Variants in SLC2A14 observed in about 807,000 individuals in gnomAD.
SLC2A14 encodes the protein solute carrier family 2, facilitated glucose transporter member 14.
A neutral mutation model predicts 43.0 loss-of-function variants in SLC2A14; 13 were observed. That is an observed-to-expected ratio of 0.30 (90% confidence interval 0.20 to 0.48). The LOEUF is 0.48. Among genes scored for constraint, SLC2A14 ranks in the 20% least tolerant of loss-of-function variants. SLC2A14 has a pLI of 0.99. For missense variants in SLC2A14, 428 were observed against 620.4 expected, an observed-to-expected ratio of 0.69 and a Z score of 3.29; for synonymous variants, 190 against 233.8, an observed-to-expected ratio of 0.81 and a Z score of 1.71.
At chr12:7,875,129 A>ATAT (rs1945434295), upstream of SLC2A14, among the ~76,000 whole-genome samples, 1 of 137,532 alleles carries the variant, frequency 7.3e-6, no homozygotes, top group Non-Finnish European at 1.5e-5. Flanking sequence ...AAATAGTTAA[A>ATAT]TATATTTAAA....
chr12:7,865,919 C>T (rs1181520711), intron 2 of SLC2A14, among the ~76,000 whole-genome samples: 1 of 152,078 alleles, frequency 6.6e-6, no homozygotes, highest in African/African-American at 2.4e-5. Flanking sequence ...AGTGAACACA[C>T]TGAAAGTGTG....
chr12:7,832,204 T>C (rs1047659658), intron 3 of SLC2A14, among the ~76,000 whole-genome samples: 13 of 152,186 alleles, frequency 8.5e-5, no homozygotes, highest in East Asian at 5.8e-4. Context: ...AGATAACATA[T>C]TGGAATTAAT....
chr12:7,819,055 T>C (rs1285073603), intron 9 of SLC2A14, among the ~76,000 whole-genome samples: 1 of 151,882 alleles, frequency 6.6e-6, no homozygotes. Context: ...CTGTCTCTAC[T>C]AAAAATAAAA....
rs1397087398 is a variant in SLC2A14 at position 7,832,917 on chromosome 12, G to A, written c.19-103C>T. 2.7e-6 allele frequency: 3 copies of A among 1,125,908 alleles called. No homozygotes were observed. In the African/African-American group the frequency reaches 4.6e-5, roughly 17 times the overall value. The allele number at this position is 1,125,908 out of a possible 1,614,324, so 69.7% of individuals were successfully genotyped here. On this transcript the variant is annotated intron_variant, in intron 2 of 10. Coordinates refer to ENST00000431042, the MANE Select transcript of SLC2A14 (RefSeq NM_001286234.2). ...GCTGTATTAGGAGAATCTGACCTAT[G>A]AGTGGTATGAAAAGGACAAACATCA...
At chr12:7,855,073 G>A (rs1036562421) in intron 2 of SLC2A14, among the ~76,000 whole-genome samples, 4 of 151,978 alleles carry the variant, frequency 2.6e-5, no homozygotes, top group African/African-American at 9.7e-5. Context: ...CTCCCAAAGG[G>A]CTGGGATTAC....
rs3044922 is a variant in SLC2A14, at chr12:7,886,151, C to CTTTTTTTTTTTTTT, written c.132+4831_132+4844dup. Among the ~76,000 whole-genome samples, 88 of 44,726 alleles carry CTTTTTTTTTTTTTT rather than the reference C, an allele frequency of 2.0e-3. 15 individuals are homozygous for CTTTTTTTTTTTTTT. The highest frequency in any genetic ancestry group is 2.6e-3 in the Non-Finnish European group (68 of 25,746). 29.3% of individuals were successfully genotyped at this position (44,726 alleles called of 152,430 possible). A position where few individuals can be genotyped will look rare whatever the true frequency, so the allele number is the denominator to read the frequency against. The stretch of plus-strand genomic sequence containing the variant: ...GGCATGTACCACCACGCCCGGACAG[C>CTTTTTTTTTTTTTT]TTTTTTTTTTTTTTTTTTTTTTTTT... On this transcript the variant is annotated intron_variant, in intron 1 of 9. Coordinates refer to the SLC2A14 transcript ENST00000539924.
chr12:7,832,892 G>T, intron 2 of SLC2A14, 78 bp from the exon 3 acceptor site: 2 of 1,408,072 alleles, frequency 1.4e-6, no homozygotes, highest in Non-Finnish European at 2.0e-6. Flanking sequence ...TAATTATGGA[G>T]CTGTATTAGG....
rs778838165 is a variant in SLC2A14, at chr12:7,865,032, A to G, written c.18+4831T>C. 2.6e-5 allele frequency among the ~76,000 whole-genome samples: 4 copies of G among 152,164 alleles called. No homozygotes were observed. The East Asian group carries it at 7.7e-4, about 29-fold the overall frequency. ...TTTTACAAATTGAAGGTTTGTGGCA[A>G]TCCTATGTTAAGCAAGTCTATTGGC... On this transcript the variant is annotated intron_variant, in intron 2 of 10. Coordinates refer to ENST00000431042, the MANE Select transcript of SLC2A14 (RefSeq NM_001286234.2).
upstream of SLC2A14, among the ~76,000 whole-genome samples, chr12:7,873,777 G>C (rs1945357417): frequency 2.0e-5 from 3 of 152,086 alleles, no homozygotes; most frequent in South Asian, 6.2e-4. Context: ...TTCGGCTTTG[G>C]AGTAATAAAG....
At chr12:7,833,305 T>A (rs1865185714) in intron 2 of SLC2A14, among the ~76,000 whole-genome samples, 1 of 152,168 alleles carries the variant, frequency 6.6e-6, no homozygotes, top group Non-Finnish European at 1.5e-5. Flanking sequence ...CACTGCTGGG[T>A]GGCTCTTTGA....
rs966777863 is a variant in SLC2A14 at position 7,842,795 on chromosome 12, C to A, written c.19-9981G>T. On this transcript the variant is annotated intron_variant, in intron 2 of 10. Coordinates refer to ENST00000431042, the MANE Select transcript of SLC2A14 (RefSeq NM_001286234.2). ...CCAGGCTGGGGTGCAATGGTGCGAT[C>A]TCGGCTCATCGCAACCTCCGCCTCC... 2.1e-4 allele frequency among the ~76,000 whole-genome samples: 32 copies of A among 150,028 alleles called. 1 individual carries two copies. The highest frequency in any genetic ancestry group is 7.4e-4 in the African/African-American group (30 of 40,668).
At chr12:7,854,411 A>G (rs1867183123) in intron 2 of SLC2A14, among the ~76,000 whole-genome samples, 1 of 152,140 alleles carries the variant, frequency 6.6e-6, no homozygotes, top group Non-Finnish European at 1.5e-5. Context: ...TGTCAAAGCC[A>G]TTATAAACTG....
chr12:7,829,458 G>T (rs10846011), intron 5 of SLC2A14, among the ~76,000 whole-genome samples: 39,699 of 151,084 alleles, frequency 0.26, 5,519 homozygotes, highest in East Asian at 0.47. Context: ...TACTCGGGAG[G>T]CTGAGGCATG....
At chr12:7,864,489 C>T (rs866587399) in intron 2 of SLC2A14, among the ~76,000 whole-genome samples, 12 of 152,038 alleles carry the variant, frequency 7.9e-5, no homozygotes, top group South Asian at 6.2e-4. Context: ...CAGGTGCGCA[C>T]CACCATGCCT....
intron 2 of SLC2A14, among the ~76,000 whole-genome samples, chr12:7,855,911 A>T (rs1002264106): frequency 1.3e-5 from 2 of 152,118 alleles, no homozygotes; most frequent in African/African-American, 4.8e-5. Flanking sequence ...CTGGGATTAC[A>T]GGTGTGAGCC....
intron 10 of SLC2A14, among the ~76,000 whole-genome samples, chr12:7,815,488 T>C (rs1433404142): frequency 6.6e-6 from 1 of 152,222 alleles, no homozygotes; most frequent in South Asian, 2.1e-4. Context: ...TTTTTTTCTA[T>C]GTATTGTTGA....
intron 1 of SLC2A14, among the ~76,000 whole-genome samples, chr12:7,883,296 C>T (rs113300776): frequency 0.33 from 39,176 of 120,060 alleles, 6,070 homozygotes; most frequent in East Asian, 0.5. Flanking sequence ...GAGATGGAGT[C>T]TTGCTTTGTC....
intron 2 of SLC2A14, among the ~76,000 whole-genome samples, chr12:7,868,554 A>C (rs971129825): frequency 1.1e-4 from 17 of 152,184 alleles, no homozygotes; most frequent in Non-Finnish European, 2.2e-4. Context: ...CTTCTCTATC[A>C]GGGTAGTCAT....
chr12:7,823,708 G>A lies in SLC2A14; in HGVS notation c.865-2383C>T, dbSNP rs745337470. 1.3e-4 allele frequency among the ~76,000 whole-genome samples: 18 copies of A among 136,666 alleles called. No individual in the cohort carries two copies. The South Asian group carries it at 4.2e-3, about 32-fold the overall frequency. 89.7% of individuals were successfully genotyped at this position (136,666 alleles called of 152,430 possible). On this transcript the variant is annotated intron_variant, in intron 7 of 10. Coordinates refer to ENST00000431042, the MANE Select transcript of SLC2A14 (RefSeq NM_001286234.2). ...GCACCCCAGCCTGGGCAATAAGAGC[G>A]AAACTCCGTCTCAAAAAAAAAGAAA...
Sources: allele counts gnomAD v4.1 joint callset (sites outside exome capture counted in the v4.1 genomes callset), GRCh38; gene constraint gnomAD v4.1.1; transcripts MANE v1.5; gene names NCBI Gene and HGNC (gene_info 2026-07-23, HGNC 2026-07-21).